The following FMN2 variants were observed in gnomAD, a reference collection of about 807,000 sequenced individuals.
FMN2 encodes the protein formin-2.
In FMN2, 51 loss-of-function variants were observed where a neutral mutation model predicts 142.3. The observed-to-expected ratio is 0.36, with a 90% confidence interval of 0.29 to 0.45. The LOEUF (loss-of-function observed/expected upper bound fraction) is 0.45, where lower values mean the gene tolerates loss of function less well. Among genes scored for constraint, FMN2 ranks in the 20% least tolerant of loss-of-function variants. The pLI is 1.00. For synonymous variants in FMN2, 882 were observed against 869.8 expected (o/e 1.01, Z -0.25); for missense variants, 1,936 against 2,122.8 (o/e 0.91, Z 1.73).
intron 7 of FMN2, among the ~76,000 whole-genome samples, chr1:240,264,608 A>C (rs1668736314): frequency 6.6e-6 from 1 of 151,694 alleles, no homozygotes; most frequent in Non-Finnish European, 1.5e-5. Flanking sequence ...TTCAACTCCC[A>C]CTTATGAGTG....
chr1:240,186,801 G>A (rs1313911719), intron 3 of FMN2, among the ~76,000 whole-genome samples: 2 of 152,168 alleles, frequency 1.3e-5, no homozygotes, highest in Non-Finnish European at 2.9e-5. Context: ...TTGAAACCAG[G>A]CCTTGTGGGT....
At position 240,453,869 on chromosome 1, in the gene FMN2, G is replaced by A. The variant is rs1465976396; in HGVS notation, c.5060+15659G>A. On this transcript the variant is annotated intron_variant, in intron 16 of 17. Coordinates refer to ENST00000319653, the MANE Select transcript of FMN2 (RefSeq NM_020066.5). ...CCGGGCGCGGTGGCGGGCGCCTGTA[G>A]TCCCAGCTACTCGGGAGGCTGAGGC... Among the ~76,000 whole-genome samples, 2 of 57,766 alleles carry A rather than the reference G, an allele frequency of 3.5e-5. 1 individual carries two copies. The highest frequency in any genetic ancestry group is 8.5e-5 in the Non-Finnish European group (2 of 23,482). 37.9% of individuals were successfully genotyped at this position (57,766 alleles called of 152,430 possible).
At position 240,092,946 on chromosome 1, in the gene FMN2, G is replaced by A; in HGVS notation, c.837G>A (p.Leu279=). Residue 279 remains leucine (L), a synonymous_variant, in exon 1 of 18, where the codon CTG becomes CTA. Coordinates refer to ENST00000319653, the MANE Select transcript of FMN2 (RefSeq NM_020066.5). ...TEQALSALSD[L]PESLAAEPRE... is the part of the protein sequence containing the mutation. ...AGGCGCTGTCCGCGCTCTCCGACCT[G>A]CCCGAGAGCCTGGCCGCCGAGCCCC... 7.0e-7 allele frequency: 1 copy of A among 1,427,110 alleles called. No homozygotes were observed. The highest frequency in any genetic ancestry group is 9.1e-7 in the Non-Finnish European group (1 of 1,098,842). 88.4% of individuals were successfully genotyped at this position (1,427,110 alleles called of 1,614,324 possible).
chr1:240,453,054 TC>T (rs1295856975), intron 16 of FMN2, among the ~76,000 whole-genome samples: 1 of 152,162 alleles, frequency 6.6e-6, no homozygotes. Context: ...TGAACCTGTT[TC>T]CCCATTTGTA....
intron 6 of FMN2, among the ~76,000 whole-genome samples, chr1:240,225,361 C>T (rs1037657905): frequency 2.0e-5 from 3 of 152,192 alleles, no homozygotes; most frequent in Non-Finnish European, 2.9e-5. Context: ...CCCTAAGGGC[C>T]CAGGGGCCTT....
At chr1:240,430,686 A>G (rs1484501274) in intron 15 of FMN2, among the ~76,000 whole-genome samples, 1 of 150,138 alleles carries the variant, frequency 6.7e-6, no homozygotes, top group Non-Finnish European at 1.5e-5. Context: ...TTCCAAACAG[A>G]TACCCCATTG....
chr1:240,431,202 A>T (rs1450328614), intron 15 of FMN2, among the ~76,000 whole-genome samples: 1 of 151,800 alleles, frequency 6.6e-6, no homozygotes, highest in Non-Finnish European at 1.5e-5. Context: ...TACAAATTAT[A>T]TTGCTTTAAA....
At chr1:240,339,555 A>G (rs1410704000) in intron 13 of FMN2, among the ~76,000 whole-genome samples, 5 of 152,064 alleles carry the variant, frequency 3.3e-5, no homozygotes, top group Non-Finnish European at 5.9e-5. Context: ...GGTAAAATAT[A>G]CATACAAAAT....
chr1:240,249,720 C>A (rs975123867), intron 6 of FMN2, among the ~76,000 whole-genome samples: 2 of 152,170 alleles, frequency 1.3e-5, no homozygotes, highest in Non-Finnish European at 2.9e-5. Flanking sequence ...AATATTTATT[C>A]TTCCTGTCCA....
rs145245880 is a variant in FMN2, at chr1:240,103,517, G to A, written c.1615+9793G>A. On this transcript the variant is annotated intron_variant, in intron 1 of 17. Coordinates refer to ENST00000319653, the MANE Select transcript of FMN2 (RefSeq NM_020066.5). ...CCTCCTTCTGGGTTTCCCAAACAAG[G>A]CATTGCCGTCTAGCTTTGCCATATT... is the stretch of plus-strand genomic sequence containing the variant. Among the ~76,000 whole-genome samples, 348 of 152,238 alleles carry A rather than the reference G, an allele frequency of 2.3e-3. 1 individual carries two copies. The highest frequency in any genetic ancestry group is 8.2e-3 in the African/African-American group (342 of 41,538).
At chr1:240,460,753 T>C (rs1036695417) in intron 16 of FMN2, among the ~76,000 whole-genome samples, 5 of 151,936 alleles carry the variant, frequency 3.3e-5, no homozygotes, top group African/African-American at 1.2e-4. Flanking sequence ...GAAAATCACG[T>C]ATTTATTAAA....
chr1:240,097,645 G>A (rs1204075044), intron 1 of FMN2, among the ~76,000 whole-genome samples: 2 of 152,116 alleles, frequency 1.3e-5, no homozygotes, highest in African/African-American at 4.8e-5. Flanking sequence ...GTGAGCCACC[G>A]CGCCCGGCTA....
rs114488779 is a variant in FMN2, at chr1:240,336,201, C to T, written c.4765+1972C>T. Among the ~76,000 whole-genome samples the T allele has an allele frequency of 3.4e-3, 519 of 152,112 alleles. 2 individuals are homozygous for T. Among genetic ancestry groups the T allele is most frequent in the African/African-American group, 0.012 (492 of 41,524 alleles). On this transcript the variant is annotated intron_variant, in intron 13 of 17. Transcript: ENST00000319653. ...AAAGAAAAAGACAAGCAGCCAGCGC[C>T]TCTGAATACTATTTCCGCATCTGCA...
chr1:240,408,779 C>G (rs902641112), intron 15 of FMN2, among the ~76,000 whole-genome samples: 1 of 151,944 alleles, frequency 6.6e-6, no homozygotes, highest in Admixed American at 6.6e-5. Context: ...TTAGTTTACA[C>G]GAAAAAAACT....
At chr1:240,253,837 T>A (rs565686036) in intron 6 of FMN2, among the ~76,000 whole-genome samples, 2 of 151,940 alleles carry the variant, frequency 1.3e-5, no homozygotes, top group East Asian at 3.9e-4. Flanking sequence ...AGCAGTGTAG[T>A]CTCTGTATGA....
At chr1:240,140,743 C>T (rs984726174) in intron 2 of FMN2, among the ~76,000 whole-genome samples, 1 of 152,158 alleles carries the variant, frequency 6.6e-6, no homozygotes, top group Non-Finnish European at 1.5e-5. Flanking sequence ...CATAGCCTAT[C>T]CCAGGATATG....
At chr1:240,161,249 G>A (rs1348838450) in intron 2 of FMN2, among the ~76,000 whole-genome samples, 1 of 152,080 alleles carries the variant, frequency 6.6e-6, no homozygotes, top group African/African-American at 2.4e-5. Context: ...TATGTTGGAA[G>A]GGCCTAGAAT....
At chr1:240,153,809 TAAGGGGTTCAAG>T (rs1470782216) in intron 2 of FMN2, among the ~76,000 whole-genome samples, 1 of 151,956 alleles carries the variant, frequency 6.6e-6, no homozygotes, top group Non-Finnish European at 1.5e-5. Context: ...TAACATGCAG[TAAGGGGTTCAAG>T]AAGTGTGAAC....
chr1:240,390,839 A>G (rs1673581300), intron 14 of FMN2, among the ~76,000 whole-genome samples: 1 of 152,222 alleles, frequency 6.6e-6, no homozygotes, highest in African/African-American at 2.4e-5. Context: ...ATTTACTTTA[A>G]TCTTCTAAAA....
Sources: allele counts gnomAD v4.1 joint callset (sites outside exome capture counted in the v4.1 genomes callset), GRCh38; gene constraint gnomAD v4.1.1; transcripts MANE v1.5; gene names NCBI Gene and HGNC (gene_info 2026-07-23, HGNC 2026-07-21).